The following COBLL1 variants were observed in gnomAD, a reference collection of about 807,000 sequenced individuals.
The protein encoded by COBLL1 is cordon-bleu protein-like 1.
Under a neutral mutation model 94.8 loss-of-function variants are expected in COBLL1, and 50 were observed. The ratio of observed to expected loss-of-function variants is 0.53; its 90% CI spans 0.42 to 0.67. The LOEUF (loss-of-function observed/expected upper bound fraction) is 0.67, where lower values mean the gene tolerates loss of function less well. Among genes scored for constraint, COBLL1 ranks in the 30% least tolerant of loss-of-function variants. The pLI, the probability that COBLL1 is intolerant of heterozygous loss-of-function variation, is 0.00. For synonymous variants in COBLL1, 448 were observed against 473.8 expected, an observed-to-expected ratio of 0.95 and a Z score of 0.71; for missense variants, 1,362 against 1,348.7, an observed-to-expected ratio of 1.01 and a Z score of -0.15.
intron 2 of COBLL1, among the ~76,000 whole-genome samples, chr2:164,803,017 G>A (rs56019889): frequency 0.015 from 2,336 of 152,242 alleles, 27 homozygotes; most frequent in South Asian, 0.028. Flanking sequence ...GCAATATATA[G>A]ATTTTTAATT....
At chr2:164,722,013 A>G in intron 7 of COBLL1, 62 bp downstream of exon 7, 1 of 1,273,990 alleles carries the variant, frequency 7.8e-7, no homozygotes, top group Non-Finnish European at 1.1e-6. Flanking sequence ...GTTAGGTAAG[A>G]GGAAAAATAA....
intron 2 of COBLL1, among the ~76,000 whole-genome samples, chr2:164,774,400 A>G (rs190049324): frequency 1.4e-3 from 220 of 152,272 alleles, no homozygotes; most frequent in African/African-American, 5.1e-3. Context: ...CCCTGATGTG[A>G]AAGGAGAAGA....
intron 2 of COBLL1, among the ~76,000 whole-genome samples, chr2:164,801,661 C>CA (rs1223609916): frequency 6.6e-6 from 1 of 152,018 alleles, no homozygotes; most frequent in African/African-American, 2.4e-5. Flanking sequence ...ATACACCCAA[C>CA]AAAAGTCAAT....
At chr2:164,720,795 T>C (rs1042622233) in intron 7 of COBLL1, among the ~76,000 whole-genome samples, 1 of 152,080 alleles carries the variant, frequency 6.6e-6, no homozygotes, top group African/African-American at 2.4e-5. Context: ...ATTTTAAGAG[T>C]GAACTCAAGA....
rs17244632 is a variant in COBLL1 at position 164,694,894 on chromosome 2, G to A, written c.2498C>T (p.Thr833Ile). The A allele has an allele frequency of 0.13, 211,174 of 1,613,826 alleles. 16,026 individuals are homozygous for A. The highest frequency in any genetic ancestry group is 0.15 in the Non-Finnish European group (181,009 of 1,179,864). Residue 833 changes from threonine (T) to isoleucine (I), a missense_variant, in exon 12 of 14, where the codon ACT becomes ATT. Transcript: ENST00000652658. ...ATTTGGTGCAAAAGGAGCTGTGCCA[G>A]TGTCTCTTGTCATTTTGGGAGCAGG... ...LKPAPKMTRD[T>I]GTAPFAPNLE...
At chr2:164,808,420 T>A (rs1295464746) in intron 2 of COBLL1, among the ~76,000 whole-genome samples, 2 of 152,186 alleles carry the variant, frequency 1.3e-5, no homozygotes, top group East Asian at 3.8e-4. Flanking sequence ...TCCTTTTGTT[T>A]TCATCATCAG....
At chr2:164,807,001 G>A (rs916545182) in intron 2 of COBLL1, among the ~76,000 whole-genome samples, 5 of 152,018 alleles carry the variant, frequency 3.3e-5, no homozygotes, top group Admixed American at 6.6e-5. Context: ...CACCATGGCC[G>A]GCCTATATTT....
At chr2:164,798,557 A>T (rs1390668937) in intron 2 of COBLL1, among the ~76,000 whole-genome samples, 1 of 152,244 alleles carries the variant, frequency 6.6e-6, no homozygotes, top group African/African-American at 2.4e-5. Context: ...GGGCTGGGAA[A>T]GGAGTTGTAC....
At chr2:164,720,210 T>A (rs1301890262) in intron 7 of COBLL1, among the ~76,000 whole-genome samples, 1 of 151,800 alleles carries the variant, frequency 6.6e-6, no homozygotes, top group South Asian at 2.1e-4. Flanking sequence ...TATCCAGATG[T>A]CCAGATCAAA....
intron 2 of COBLL1, among the ~76,000 whole-genome samples, chr2:164,774,954 A>G (rs1365017569): frequency 6.6e-6 from 1 of 151,950 alleles, no homozygotes; most frequent in Non-Finnish European, 1.5e-5. Flanking sequence ...TATGTTTATC[A>G]TAACAGCCAT....
chr2:164,718,931 A>C (rs1294721635), intron 7 of COBLL1, among the ~76,000 whole-genome samples: 1 of 152,078 alleles, frequency 6.6e-6, no homozygotes, highest in Non-Finnish European at 1.5e-5. Flanking sequence ...GGAGGCATTA[A>C]AAAGTTTAAA....
intron 3 of COBLL1, among the ~76,000 whole-genome samples, chr2:164,737,108 G>A (rs1686348043): frequency 6.6e-6 from 1 of 152,142 alleles, no homozygotes; most frequent in African/African-American, 2.4e-5. Flanking sequence ...GCTGCAGTGA[G>A]CTATGATTAC....
chr2:164,694,726 T>C lies in COBLL1; in HGVS notation c.2666A>G (p.His889Arg). The change falls in exon 12 of 14, where the codon CAT (histidine) becomes CGT (arginine). Residue 889 changes from histidine (H) to arginine (R), a missense_variant. Coordinates refer to ENST00000652658, the MANE Select transcript of COBLL1 (RefSeq NM_001365672.2). ...YVTSAAAKSV[H>R]AAPNPAPKEL... Reference sequence around the variant, plus strand: ...TTTTGGAGCAGGATTAGGGGCAGCATGGACACTCTTGGCAGCTGCAGATGT... The same window carrying C: ...TTTTGGAGCAGGATTAGGGGCAGCACGGACACTCTTGGCAGCTGCAGATGT... The C allele has an allele frequency of 6.2e-7, 1 of 1,613,802 alleles. No homozygotes were observed. Among genetic ancestry groups the C allele is most frequent in the Non-Finnish European group, 8.5e-7 (1 of 1,179,912 alleles).
intron 3 of COBLL1, among the ~76,000 whole-genome samples, chr2:164,733,839 G>A (rs910020422): frequency 1.3e-5 from 2 of 151,372 alleles, no homozygotes; most frequent in African/African-American, 4.9e-5. Context: ...CACTAACACA[G>A]TGGTTACTGG....
At chr2:164,817,327 CT>C (rs1410376751) in intron 2 of COBLL1, among the ~76,000 whole-genome samples, 3 of 142,534 alleles carry the variant, frequency 2.1e-5, no homozygotes, top group Non-Finnish European at 3.0e-5. Flanking sequence ...AACTTCTAAC[CT>C]AAATTCCCTT....
At position 164,695,466 on chromosome 2, in the gene COBLL1, G is replaced by A. The variant is rs777218156; in HGVS notation, c.1926C>T (p.His642=). 3.1e-6 allele frequency: 5 copies of A among 1,613,800 alleles called. No individual in the cohort carries two copies. Among genetic ancestry groups the A allele is most frequent in the Admixed American group, 1.7e-5 (1 of 59,968 alleles). Residue 642 remains histidine, a synonymous_variant, in exon 12 of 14, where the codon CAC becomes CAT. Coordinates refer to ENST00000652658, the MANE Select transcript of COBLL1 (RefSeq NM_001365672.2). Reference sequence around the variant, plus strand: ...CAGAATCTTGTGAACTTAAGCATGAGTGTTGAGTTGATATGTTGTTATTTG... The same window carrying A: ...CAGAATCTTGTGAACTTAAGCATGAATGTTGAGTTGATATGTTGTTATTTG... ...QTSNNNISTQ[H]SCLSSQDSVN...
chr2:164,720,569 C>G (rs1342726716), intron 7 of COBLL1, among the ~76,000 whole-genome samples: 1 of 152,136 alleles, frequency 6.6e-6, no homozygotes, highest in East Asian at 1.9e-4. Context: ...AATTTACACT[C>G]TTCTATGATA....
At position 164,826,897 on chromosome 2, in the gene COBLL1, T is replaced by A. The variant is rs1294091821; in HGVS notation, c.41+14259A>T. 1.1e-3 allele frequency among the ~76,000 whole-genome samples: 18 copies of A among 15,784 alleles called. No homozygotes were observed. The African/African-American group carries it at 0.033, about 29-fold the overall frequency. 10.4% of individuals were successfully genotyped at this position (15,784 alleles called of 152,430 possible). A position where few individuals can be genotyped will look rare whatever the true frequency, so the allele number is the denominator to read the frequency against. ...TTTAAAGTTTTTTGTCTTTGTTTCG[T>A]TTTTTTTTTTGTTTCTCTCTCTTTT... On this transcript the variant is annotated intron_variant, in intron 2 of 13. Coordinates refer to ENST00000652658, the MANE Select transcript of COBLL1 (RefSeq NM_001365672.2).
intron 2 of COBLL1, among the ~76,000 whole-genome samples, chr2:164,767,027 A>T (rs1687964785): frequency 6.6e-6 from 1 of 152,212 alleles, no homozygotes; most frequent in African/African-American, 2.4e-5. Flanking sequence ...CATAAGGATA[A>T]TGAATAAACT....
Sources: gnomAD v4.1 joint callset for allele counts (sites outside exome capture counted in the v4.1 genomes callset) on GRCh38, gnomAD v4.1.1 for gene constraint, MANE v1.5 for transcripts, NCBI Gene and HGNC (gene_info 2026-07-23, HGNC 2026-07-21) for gene names.